MGAT4C: variants seen among roughly 807,000 people sequenced by gnomAD.
MGAT4C encodes the protein MGAT4 family member C.
Under a neutral mutation model 40.1 loss-of-function variants are expected in MGAT4C, and 19 were observed. That is an observed-to-expected ratio of 0.47 (90% CI 0.33 to 0.70). MGAT4C has a LOEUF of 0.70. Among genes scored for constraint, MGAT4C ranks in the 30% least tolerant of loss-of-function variants. The pLI is 0.02. For missense variants in MGAT4C, 491 were observed against 563.2 expected (o/e 0.87, Z 1.30); for synonymous variants, 181 against 187.1 (o/e 0.97, Z 0.27).
At chr12:86,437,882 G>C (rs1307963742) in intron 2 of MGAT4C, among the ~76,000 whole-genome samples, 1 of 151,872 alleles carries the variant, frequency 6.6e-6, no homozygotes, top group African/African-American at 2.4e-5. Flanking sequence ...CTGACCAGCT[G>C]TTACTCATCT....
At chr12:86,009,401 T>C (rs1164290946) in intron 2 of MGAT4C, among the ~76,000 whole-genome samples, 1 of 152,156 alleles carries the variant, frequency 6.6e-6, no homozygotes, top group Non-Finnish European at 1.5e-5. Context: ...TCCCTGCAGT[T>C]GTGTTTTCCA....
chr12:86,774,353 C>CTTTCTTTCTTT, intron 1 of MGAT4C, among the ~76,000 whole-genome samples: 1 of 18,086 alleles, frequency 5.5e-5, no homozygotes, highest in African/African-American at 2.1e-4. Context: ...CTCTCTCTCT[C>CTTTCTTTCTTT]CCCTCTCTCT....
intron 1 of MGAT4C, among the ~76,000 whole-genome samples, chr12:86,811,335 T>C: frequency 9.4e-6 from 1 of 105,940 alleles, no homozygotes; most frequent in Non-Finnish European, 2.1e-5. Context: ...GCACTCATAG[T>C]ATTTTTTTTT....
At position 86,146,725 on chromosome 12, in the gene MGAT4C, A is replaced by G. The variant is rs180704654; in HGVS notation, c.-56-97002T>C. On this transcript the variant is annotated intron_variant, in intron 1 of 4. Transcript: ENST00000611864. ...TAATTAAAAATTTAGTGTCTTCTCAATAGTAATCAGCAAAATGTAAAGTTT... is the reference window on the plus strand; with the variant it reads ...TAATTAAAAATTTAGTGTCTTCTCAGTAGTAATCAGCAAAATGTAAAGTTT... 7.0e-4 allele frequency among the ~76,000 whole-genome samples: 106 copies of G among 152,154 alleles called. 1 individual carries two copies. The highest frequency in any genetic ancestry group is 6.9e-3 in the Admixed American group (106 of 15,290).
chr12:86,249,755 C>T (rs1292415477), intron 1 of MGAT4C, among the ~76,000 whole-genome samples: 1 of 152,122 alleles, frequency 6.6e-6, no homozygotes, highest in East Asian at 1.9e-4. Context: ...TGACTTTGTT[C>T]TTAATGAGGT....
At chr12:86,012,789 C>T (rs979243968) in intron 2 of MGAT4C, among the ~76,000 whole-genome samples, 4 of 133,488 alleles carry the variant, frequency 3.0e-5, no homozygotes, top group Non-Finnish European at 5.1e-5. Flanking sequence ...ACCACCACCA[C>T]CACCACCACC....
chr12:86,072,173 C>A (rs1465811685), intron 1 of MGAT4C, among the ~76,000 whole-genome samples: 1 of 151,870 alleles, frequency 6.6e-6, no homozygotes, highest in Non-Finnish European at 1.5e-5. Flanking sequence ...GAACGGAGGG[C>A]AAAAGGGTTA....
intron 3 of MGAT4C, among the ~76,000 whole-genome samples, chr12:86,358,112 C>A (rs747796218): frequency 1.3e-5 from 2 of 152,182 alleles, no homozygotes; most frequent in Non-Finnish European, 2.9e-5. Context: ...GGAAGCCCAT[C>A]AGATTAATAG....
chr12:86,375,794 CAATG>C (rs1323895624), intron 3 of MGAT4C, among the ~76,000 whole-genome samples: 1 of 151,834 alleles, frequency 6.6e-6, no homozygotes, highest in African/African-American at 2.4e-5. Flanking sequence ...ACAATGAGAA[CAATG>C]AATATCAAAA....
Position 85,957,666 on chromosome 12 carries a change from A to AAAAAAAAAAAAAAAG in MGAT4C, c.*21622_*21623insCTTTTTTTTTTTTTT, listed in dbSNP as rs1882876143. On this transcript the variant is annotated 3_prime_UTR_variant, in exon 5 of 5. Coordinates refer to ENST00000611864, the MANE Select transcript of MGAT4C (RefSeq NM_001351288.2). ...GAGTTGAATAAGAAAGCAAAAAAAA[A>AAAAAAAAAAAAAAAG]AAAAAAAGAAAAAAGAAAAAAAAAA... 1.3e-5 allele frequency: 2 copies of AAAAAAAAAAAAAAAG among 149,754 alleles called. No homozygotes were observed. Among genetic ancestry groups the AAAAAAAAAAAAAAAG allele is most frequent in the Non-Finnish European group, 3.0e-5 (2 of 67,536 alleles). 9.3% of individuals were successfully genotyped at this position (149,754 alleles called of 1,614,324 possible).
intron 2 of MGAT4C, among the ~76,000 whole-genome samples, chr12:86,647,430 G>A (rs1963573500): frequency 6.6e-6 from 1 of 151,892 alleles, no homozygotes; most frequent in South Asian, 2.1e-4. Context: ...AGTTTCAGGT[G>A]TTTATGTAAA....
At position 86,773,942 on chromosome 12, in the gene MGAT4C, C is replaced by CTTTTTTTTTTTTTTTTTTTT. The variant is rs1565980916; in HGVS notation, c.-261-46702_-261-46701insAAAAAAAAAAAAAAAAAAAA. On this transcript the variant is annotated intron_variant, in intron 1 of 7. Transcript: ENST00000548651. The stretch of plus-strand genomic sequence containing the variant: ...ACAGGTTCACATTTTTTTAAAGTAA[C>CTTTTTTTTTTTTTTTTTTTT]TTCTTTTTTTTTTTTTTTTTTTTTT... 3.8e-5 allele frequency among the ~76,000 whole-genome samples: 4 copies of CTTTTTTTTTTTTTTTTTTTT among 106,520 alleles called. 1 individual carries two copies. The highest frequency in any genetic ancestry group is 1.9e-5 in the Non-Finnish European group (1 of 52,286). 69.9% of individuals were successfully genotyped at this position (106,520 alleles called of 152,430 possible). A position where few individuals can be genotyped will look rare whatever the true frequency, so the allele number is the denominator to read the frequency against.
intron 3 of MGAT4C, among the ~76,000 whole-genome samples, chr12:86,358,865 C>T (rs141391949): frequency 6.6e-6 from 1 of 152,140 alleles, no homozygotes; most frequent in South Asian, 2.1e-4. Flanking sequence ...TGGACTCCCA[C>T]ACAATAATAA....
chr12:86,275,380 G>A (rs1166908029), intron 4 of MGAT4C, among the ~76,000 whole-genome samples: 1 of 152,026 alleles, frequency 6.6e-6, no homozygotes, highest in Non-Finnish European at 1.5e-5. Context: ...GAATAGAGCC[G>A]TATCATAAGG....
At chr12:86,054,382 A>G (rs1350208294) in intron 1 of MGAT4C, among the ~76,000 whole-genome samples, 1 of 151,976 alleles carries the variant, frequency 6.6e-6, no homozygotes, top group African/African-American at 2.4e-5. Context: ...CTGAACTGAT[A>G]AAAGTAAAGG....
intron 1 of MGAT4C, among the ~76,000 whole-genome samples, chr12:86,084,808 T>A (rs1317265073): frequency 6.6e-6 from 1 of 151,808 alleles, no homozygotes; most frequent in African/African-American, 2.4e-5. Flanking sequence ...CCTATGAGAC[T>A]ATTTGGGGTG....
At chr12:86,071,283 A>G (rs1447729890) in intron 1 of MGAT4C, among the ~76,000 whole-genome samples, 2 of 152,060 alleles carry the variant, frequency 1.3e-5, no homozygotes, top group Non-Finnish European at 2.9e-5. Flanking sequence ...ATCCTGCTTG[A>G]AGGAAAAAAT....
chr12:86,531,217 T>C (rs902124500), intron 2 of MGAT4C, among the ~76,000 whole-genome samples: 2 of 152,242 alleles, frequency 1.3e-5, no homozygotes, highest in Non-Finnish European at 2.9e-5. Flanking sequence ...TTGCAATTTA[T>C]GGAACAGTGC....
intron 2 of MGAT4C, among the ~76,000 whole-genome samples, chr12:86,582,158 A>C (rs1175064331): frequency 6.6e-6 from 1 of 151,468 alleles, no homozygotes; most frequent in East Asian, 1.9e-4. Flanking sequence ...TGATAGTACA[A>C]GATGATCATG....
Sources: gnomAD v4.1 joint callset for allele counts (sites outside exome capture counted in the v4.1 genomes callset) on GRCh38, gnomAD v4.1.1 for gene constraint, MANE v1.5 for transcripts, NCBI Gene and HGNC (gene_info 2026-07-23, HGNC 2026-07-21) for gene names.